PCNX2: variants seen among roughly 807,000 people sequenced by gnomAD.
The protein encoded by PCNX2 is pecanex 2.
A neutral mutation model predicts 223.8 loss-of-function variants in PCNX2; 168 were observed. That is an observed-to-expected ratio of 0.75 (90% CI 0.66 to 0.85). The LOEUF (loss-of-function observed/expected upper bound fraction) is 0.85. PCNX2 is among the 40% of genes least tolerant of loss of function. The pLI is 0.00. For missense variants in PCNX2, 2,507 were observed against 2,675.5 expected (o/e 0.94, Z 1.39); for synonymous variants, 1,006 against 1,052.6 (o/e 0.96, Z 0.86).
intron 33 of PCNX2, 49 bp downstream of exon 33, chr1:232,986,043 C>G (rs771147559): frequency 1.3e-6 from 2 of 1,542,736 alleles, no homozygotes; most frequent in Non-Finnish European, 1.8e-6. Flanking sequence ...GGCCAGGAGC[C>G]CGTGCCACCA....
At chr1:233,155,169 C>T (rs895491651) in intron 19 of PCNX2, among the ~76,000 whole-genome samples, 1 of 151,946 alleles carries the variant, frequency 6.6e-6, no homozygotes, top group Non-Finnish European at 1.5e-5. Context: ...TAGTGCACTA[C>T]AGCCTCTAAC....
the PCNX2 span, among the ~76,000 whole-genome samples, chr1:233,325,413 C>CT: frequency 6.6e-6 from 1 of 151,022 alleles, no homozygotes; most frequent in African/African-American, 2.4e-5. Context: ...AATCCCAGCA[C>CT]TTTGGGAGGC....
intron 17 of PCNX2, among the ~76,000 whole-genome samples, chr1:233,171,620 T>C (rs1679156853): frequency 6.6e-6 from 1 of 152,214 alleles, no homozygotes; most frequent in Non-Finnish European, 1.5e-5. Flanking sequence ...TCTGTGTGCT[T>C]GGCATGCTGC....
chr1:233,268,997 C>G (rs905961948), intron 1 of PCNX2, among the ~76,000 whole-genome samples: 2 of 152,152 alleles, frequency 1.3e-5, no homozygotes, highest in African/African-American at 4.8e-5. Flanking sequence ...CATGGTGCCC[C>G]TGACCAAGTG....
chr1:233,246,101 TCCTTCAGATGGGATGAATGC>T (rs1558387013), intron 8 of PCNX2, among the ~76,000 whole-genome samples: 14 of 151,592 alleles, frequency 9.2e-5, no homozygotes, highest in Admixed American at 4.6e-4. Context: ...AGGATAAATG[TCCTTCAGATGGGATGAATGC>T]CCTTCAGATG....
intron 22 of PCNX2, among the ~76,000 whole-genome samples, 165 bp from the exon 23 acceptor site, chr1:233,090,355 TTC>T (rs1673810271): frequency 6.6e-6 from 1 of 152,142 alleles, no homozygotes; most frequent in African/African-American, 2.4e-5. Flanking sequence ...ATATAAAACT[TTC>T]AGTAGTACCC....
intron 23 of PCNX2, among the ~76,000 whole-genome samples, chr1:233,078,982 CAGA>C (rs1312899809): frequency 2.6e-5 from 4 of 152,150 alleles, no homozygotes; most frequent in Non-Finnish European, 4.4e-5. Context: ...TTTGGCTTCT[CAGA>C]AGTAACAGCA....
intron 22 of PCNX2, among the ~76,000 whole-genome samples, chr1:233,094,217 A>G (rs1257895048): frequency 6.6e-6 from 1 of 152,236 alleles, no homozygotes; most frequent in Non-Finnish European, 1.5e-5. Flanking sequence ...ACTCCTCAAC[A>G]ACAAATTTGC....
intron 5 of PCNX2, among the ~76,000 whole-genome samples, chr1:233,255,715 A>G (rs1659699054): frequency 6.6e-6 from 1 of 152,210 alleles, no homozygotes; most frequent in Admixed American, 6.5e-5. Flanking sequence ...AGAATTGTGT[A>G]TCTTTTTCTA....
chr1:233,314,774 A>G, the PCNX2 span, among the ~76,000 whole-genome samples: 1 of 152,184 alleles, frequency 6.6e-6, no homozygotes, highest in African/African-American at 2.4e-5. Flanking sequence ...ACGTTATTAC[A>G]GAAAACCAGT....
At position 233,000,467 on chromosome 1, in the gene PCNX2, C is replaced by A; in HGVS notation, c.5166G>T (p.Glu1722Asp). The A allele has an allele frequency of 6.3e-7, 1 of 1,597,478 alleles. No individual in the cohort carries two copies. ...AVLYEAIQSF[E>D]KKVVICHEGD... ...CCTCGTGGCAGATGACCACCTTCTTCTCGAAGGACTGGATGGCCTCGTAGA... is the reference window on the plus strand; with the variant it reads ...CCTCGTGGCAGATGACCACCTTCTTATCGAAGGACTGGATGGCCTCGTAGA... The change falls in exon 30 of 34, where the codon GAG (glutamate) becomes GAT (aspartate). Residue 1722 changes from glutamate (E) to aspartate (D), a missense_variant. Coordinates refer to ENST00000258229, the MANE Select transcript of PCNX2 (RefSeq NM_014801.4). This position sits in a 1 kb window ranked among gnomAD's most constrained non-coding sequence, Gnocchi z 4.6.
the PCNX2 span, among the ~76,000 whole-genome samples, chr1:233,324,795 G>A: frequency 6.6e-6 from 1 of 151,456 alleles, no homozygotes. Flanking sequence ...GAGATTGTTG[G>A]CCAGGCTGGT....
intron 12 of PCNX2, among the ~76,000 whole-genome samples, chr1:233,216,607 G>A (rs570376447): frequency 2.0e-5 from 3 of 151,972 alleles, no homozygotes; most frequent in Admixed American, 6.6e-5. Flanking sequence ...TACAGAAATC[G>A]GTACAGCCAT....
intron 22 of PCNX2, among the ~76,000 whole-genome samples, chr1:233,092,194 G>A (rs180912168): frequency 1.0e-3 from 156 of 152,322 alleles, no homozygotes; most frequent in South Asian, 2.5e-3. Context: ...ATGGAAGAGG[G>A]AGAAGTCCCC....
intron 12 of PCNX2, among the ~76,000 whole-genome samples, chr1:233,211,160 G>A (rs891800475): frequency 5.9e-5 from 9 of 152,064 alleles, no homozygotes; most frequent in South Asian, 2.1e-4. Context: ...AGAGGCACAC[G>A]GCTTGGCCTC....
intron 23 of PCNX2, among the ~76,000 whole-genome samples, chr1:233,082,819 G>A (rs1011531996): frequency 1.3e-5 from 2 of 152,150 alleles, no homozygotes; most frequent in African/African-American, 4.8e-5. Flanking sequence ...GCCTGATCAA[G>A]CCAGGTATTT....
chr1:233,305,323 G>A, the PCNX2 span, among the ~76,000 whole-genome samples: 1 of 152,122 alleles, frequency 6.6e-6, no homozygotes, highest in African/African-American at 2.4e-5. Context: ...ATAAAATGGA[G>A]TTATATTGTT....
At chr1:233,221,540 G>A (rs773504572) in intron 10 of PCNX2, among the ~76,000 whole-genome samples, 12 of 151,956 alleles carry the variant, frequency 7.9e-5, no homozygotes, top group African/African-American at 1.2e-4. Flanking sequence ...TTTAAATATC[G>A]GGTTAAAAAG....
intron 25 of PCNX2, among the ~76,000 whole-genome samples, chr1:233,051,530 A>C (rs6694792): frequency 0.22 from 33,866 of 152,080 alleles, 5,631 homozygotes; most frequent in African/African-American, 0.47. Context: ...GAAAAATAAA[A>C]TCATGTCCTT....
Sources: gnomAD v4.1 joint callset for allele counts (sites outside exome capture counted in the v4.1 genomes callset) on GRCh38, gnomAD v4.1.1 for gene constraint, Gnocchi (gnomAD v3.1) non-coding constraint, MANE v1.5 for transcripts, NCBI Gene and HGNC (gene_info 2026-07-23, HGNC 2026-07-21) for gene names.